SLC24A2: variants seen among roughly 807,000 people sequenced by gnomAD.
SLC24A2 encodes solute carrier family 24 member 2, also known as sodium/potassium/calcium exchanger 2.
Under a neutral mutation model 62.0 loss-of-function variants are expected in SLC24A2, and 36 were observed. That is an observed-to-expected ratio of 0.58 (90% CI 0.44 to 0.77). The LOEUF (loss-of-function observed/expected upper bound fraction) is 0.77. Ranked by LOEUF, SLC24A2 falls within the 30% of genes least tolerant of loss-of-function variation. The pLI, the probability that SLC24A2 is intolerant of heterozygous loss-of-function variation, is 0.00. For synonymous variants in SLC24A2, 358 were observed against 294.0 expected, an observed-to-expected ratio of 1.22 and a Z score of -2.23; for missense variants, 846 against 817.9, an observed-to-expected ratio of 1.03 and a Z score of -0.42.
chr9:20,021,754 A>G, the SLC24A2 span, among the ~76,000 whole-genome samples: 1 of 151,838 alleles, frequency 6.6e-6, no homozygotes, highest in Non-Finnish European at 1.5e-5. Flanking sequence ...GGCTACACCT[A>G]ATAATCATTT....
At chr9:19,785,852 A>G in intron 2 of SLC24A2, 85 bp downstream of exon 2, 1 of 1,570,976 alleles carries the variant, frequency 6.4e-7, no homozygotes, top group East Asian at 2.2e-5. Flanking sequence ...ACACCATCAC[A>G]TCAAAAGAAC....
chr9:20,170,609 G>T, the SLC24A2 span, among the ~76,000 whole-genome samples: 1 of 151,954 alleles, frequency 6.6e-6, no homozygotes, highest in Non-Finnish European at 1.5e-5. Context: ...TGATGGGAAG[G>T]GGGTAGGCTG....
chr9:19,953,379 A>T, the SLC24A2 span, among the ~76,000 whole-genome samples: 2 of 152,088 alleles, frequency 1.3e-5, no homozygotes, highest in African/African-American at 4.8e-5. Context: ...TCAGCTAGAT[A>T]TCATGGCAGA....
chr9:19,806,357 G>C, the SLC24A2 span, among the ~76,000 whole-genome samples: 1 of 152,154 alleles, frequency 6.6e-6, no homozygotes, highest in African/African-American at 2.4e-5. Context: ...TACAAAGCTT[G>C]AGGGCATGCA....
the SLC24A2 span, among the ~76,000 whole-genome samples, chr9:19,916,788 T>C: frequency 1.3e-5 from 2 of 151,930 alleles, no homozygotes; most frequent in African/African-American, 4.8e-5. Flanking sequence ...TAAATGTTGA[T>C]GTAATAAACT....
At chr9:20,033,962 A>G in the SLC24A2 span, among the ~76,000 whole-genome samples, 1 of 152,234 alleles carries the variant, frequency 6.6e-6, no homozygotes, top group African/African-American at 2.4e-5. Context: ...GCAAGAAGCC[A>G]AGAACTCATG....
rs771201762 is a variant in SLC24A2 at position 19,512,415 on chromosome 9, A to C, written c.*3738T>G. ...TTAGGACATTCTGCTGCATCTGCCG[A>C]GGGTATAAACAACCCTATCCCTTAG... On this transcript the variant is annotated 3_prime_UTR_variant, in exon 11 of 11. Coordinates refer to ENST00000341998, the MANE Select transcript of SLC24A2 (RefSeq NM_020344.4). The C allele has an allele frequency of 2.6e-5, 4 of 152,230 alleles. No homozygotes were observed. Among genetic ancestry groups the C allele is most frequent in the Non-Finnish European group, 4.4e-5 (3 of 68,054 alleles). The allele number at this position is 152,230 out of a possible 1,614,324, so 9.4% of individuals were successfully genotyped here. A position where few individuals can be genotyped will look rare whatever the true frequency, so the allele number is the denominator to read the frequency against.
the SLC24A2 span, among the ~76,000 whole-genome samples, chr9:20,233,369 T>C: frequency 6.6e-6 from 1 of 152,052 alleles, no homozygotes; most frequent in Non-Finnish European, 1.5e-5. Flanking sequence ...CTAAGTCTCT[T>C]TGTAGGTCAC....
At chr9:19,807,307 T>C in the SLC24A2 span, among the ~76,000 whole-genome samples, 1 of 152,248 alleles carries the variant, frequency 6.6e-6, no homozygotes, top group Non-Finnish European at 1.5e-5. Flanking sequence ...AACTTGGCTT[T>C]TGCCATTTAT....
chr9:20,134,040 T>A, the SLC24A2 span, among the ~76,000 whole-genome samples: 3 of 152,170 alleles, frequency 2.0e-5, no homozygotes, highest in African/African-American at 4.8e-5. Flanking sequence ...GGACAAAGTT[T>A]AGGGAACTAA....
the SLC24A2 span, among the ~76,000 whole-genome samples, chr9:19,889,369 A>AAAT: frequency 6.6e-6 from 1 of 151,192 alleles, no homozygotes; most frequent in Admixed American, 6.6e-5. Context: ...CATAAATTGT[A>AAAT]ATTATTATTA....
intron 2 of SLC24A2, among the ~76,000 whole-genome samples, chr9:19,766,554 C>T (rs930252366): frequency 7.2e-5 from 11 of 152,204 alleles, no homozygotes; most frequent in Non-Finnish European, 1.3e-4. Context: ...AACAGACAGG[C>T]CCCTCTTCTG....
chr9:19,781,397 TA>T (rs5896865), intron 2 of SLC24A2, among the ~76,000 whole-genome samples: 70,016 of 151,760 alleles, frequency 0.46, 16,530 homozygotes, highest in Admixed American at 0.53. Flanking sequence ...AAGGGAGAGA[TA>T]ATGGTGACTC....
the SLC24A2 span, among the ~76,000 whole-genome samples, chr9:20,074,923 T>C: frequency 6.6e-6 from 1 of 152,178 alleles, no homozygotes; most frequent in African/African-American, 2.4e-5. Context: ...GGCTATGGCT[T>C]GTAGTCCTAA....
At chr9:19,998,677 G>C in the SLC24A2 span, among the ~76,000 whole-genome samples, 141 of 152,316 alleles carry the variant, frequency 9.3e-4, 2 homozygotes, top group Non-Finnish European at 1.5e-4. Context: ...CAGATTTGCT[G>C]TTTTGCTCAA....
chr9:20,123,874 CA>C, the SLC24A2 span, among the ~76,000 whole-genome samples: 1 of 152,042 alleles, frequency 6.6e-6, no homozygotes, highest in Admixed American at 6.6e-5. Context: ...GAGGCTAGAA[CA>C]AAAAACTATT....
At chr9:19,911,636 T>C in the SLC24A2 span, among the ~76,000 whole-genome samples, 6 of 152,178 alleles carry the variant, frequency 3.9e-5, no homozygotes, top group Non-Finnish European at 7.4e-5. Context: ...GCTACTGATA[T>C]GGCGTCCAGT....
the SLC24A2 span, among the ~76,000 whole-genome samples, chr9:20,105,303 A>T: frequency 1.3e-5 from 2 of 152,196 alleles, no homozygotes; most frequent in African/African-American, 4.8e-5. Flanking sequence ...ACAGAAAGTC[A>T]ACAAGGATAC....
At chr9:19,612,751 C>A (rs959709683) in intron 4 of SLC24A2, among the ~76,000 whole-genome samples, 2 of 152,048 alleles carry the variant, frequency 1.3e-5, no homozygotes, top group Non-Finnish European at 2.9e-5. Flanking sequence ...GTGTCTTGTA[C>A]CTGTAGTCCC....
Sources: gnomAD v4.1 joint callset for allele counts (sites outside exome capture counted in the v4.1 genomes callset) on GRCh38, gnomAD v4.1.1 for gene constraint, MANE v1.5 for transcripts, NCBI Gene and HGNC (gene_info 2026-07-23, HGNC 2026-07-21) for gene names.